RIN2: variants seen among roughly 807,000 people sequenced by gnomAD.
RIN2 encodes the protein RAB5 interacting protein 2.
In RIN2, 36 loss-of-function variants were observed where a neutral mutation model predicts 78.0. The ratio of observed to expected loss-of-function variants is 0.46; its 90% CI spans 0.35 to 0.61. The LOEUF is 0.61. Ranked by LOEUF, RIN2 falls within the 20% of genes least tolerant of loss-of-function variation. The pLI, the probability that RIN2 is intolerant of heterozygous loss-of-function variation, is 0.00. For synonymous variants in RIN2, 466 were observed against 466.8 expected (o/e 1.00, Z 0.02); for missense variants, 1,087 against 1,159.7 (o/e 0.94, Z 0.91).
chr20:19,878,416 A>G (rs186670792), intron 2 of RIN2, among the ~76,000 whole-genome samples: 1 of 152,268 alleles, frequency 6.6e-6, no homozygotes, highest in Admixed American at 6.5e-5. Flanking sequence ...CCACAGAGCT[A>G]TTGGAGGGAG....
At chr20:19,758,709 C>A (rs984080171) in intron 1 of RIN2, among the ~76,000 whole-genome samples, 12 of 152,236 alleles carry the variant, frequency 7.9e-5, no homozygotes, top group Admixed American at 6.5e-4. Flanking sequence ...GTGCACCGGA[C>A]GGAGTTTGGT....
intron 4 of RIN2, among the ~76,000 whole-genome samples, chr20:19,945,393 G>A (rs6046469): frequency 2.6e-5 from 4 of 152,328 alleles, no homozygotes; most frequent in African/African-American, 9.6e-5. Context: ...GAAAGCCCCT[G>A]AAGCTGTGTG....
chr20:19,986,526 C>A (rs2042628140), intron 9 of RIN2, among the ~76,000 whole-genome samples: 1 of 152,196 alleles, frequency 6.6e-6, no homozygotes, highest in African/African-American at 2.4e-5. Context: ...ATTTCCACAG[C>A]CCCTTTTATA....
intron 2 of RIN2, among the ~76,000 whole-genome samples, chr20:19,879,160 G>T (rs1485167593): frequency 6.6e-6 from 1 of 152,196 alleles, no homozygotes; most frequent in Non-Finnish European, 1.5e-5. Flanking sequence ...GAATGCCATT[G>T]GTCAGCCAAG....
chr20:19,986,176 C>CGTCT (rs2042617230), intron 9 of RIN2, among the ~76,000 whole-genome samples: 1 of 152,056 alleles, frequency 6.6e-6, no homozygotes. Context: ...TATGAAAGAT[C>CGTCT]GTCTGTTCCT....
chr20:19,925,321 A>G (rs1484440604), intron 3 of RIN2, among the ~76,000 whole-genome samples: 1 of 152,220 alleles, frequency 6.6e-6, no homozygotes, highest in African/African-American at 2.4e-5. Flanking sequence ...CATCATATAT[A>G]AACAGGCAAA....
chr20:19,969,770 ACAAAC>A (rs1462470467), intron 7 of RIN2, among the ~76,000 whole-genome samples: 6 of 49,832 alleles, frequency 1.2e-4, no homozygotes, highest in Admixed American at 4.8e-4. Flanking sequence ...CTGGAAAAAA[ACAAAC>A]AAACAAACAA....
Position 19,990,065 on chromosome 20 carries a change from G to A in RIN2, c.1822G>A (p.Glu608Lys). 1 of 1,598,924 alleles carries A rather than the reference G, an allele frequency of 6.3e-7. No individual in the cohort carries two copies. Among genetic ancestry groups the A allele is most frequent in the Non-Finnish European group, 8.5e-7 (1 of 1,172,466 alleles). ...CTTGAAGCCCCTCAAGGGGCACGTG[G>A]AGGCCATGCTGAAGGACTTTCACAT... ...CILKPLKGHVEAMLKDFHMAD... is the reference protein window; with the variant it reads ...CILKPLKGHVKAMLKDFHMAD... The change falls in exon 10 of 13, where the codon GAG (glutamate) becomes AAG (lysine). Residue 608 changes from glutamate (E) to lysine (K), a missense_variant. Transcript: ENST00000255006.
chr20:19,826,734 C>G (rs1019605789), intron 2 of RIN2, among the ~76,000 whole-genome samples: 1 of 152,102 alleles, frequency 6.6e-6, no homozygotes, highest in Non-Finnish European at 1.5e-5. Context: ...AGGACAGGCA[C>G]GGAGGGAATC....
intron 2 of RIN2, among the ~76,000 whole-genome samples, chr20:19,818,293 T>C (rs140672929): frequency 1.9e-3 from 296 of 152,358 alleles, no homozygotes; most frequent in African/African-American, 6.9e-3. Flanking sequence ...GAAATGTCAT[T>C]GTACAAGGCA....
chr20:19,935,565 C>T, intron 4 of RIN2: 5 of 1,015,670 alleles, frequency 4.9e-6, no homozygotes, highest in Non-Finnish European at 5.9e-6. Flanking sequence ...AGAAGGCTTA[C>T]AGGGGAGCAG....
intron 3 of RIN2, among the ~76,000 whole-genome samples, chr20:19,901,314 G>A (rs1231315005): frequency 1.2e-4 from 6 of 50,964 alleles, no homozygotes; most frequent in South Asian, 1.4e-3. Flanking sequence ...CCCCACCCCC[G>A]TCCCCACATT....
rs1326943380 is a variant in RIN2 at position 19,855,090 on chromosome 20, AG to A, written c.-36-34473del. Among the ~76,000 whole-genome samples, 7 of 152,306 alleles carry A rather than the reference AG, an allele frequency of 4.6e-5. No homozygotes were observed. The East Asian group carries it at 1.3e-3, about 29-fold the overall frequency. On this transcript the variant is annotated intron_variant, in intron 2 of 12. Coordinates refer to ENST00000255006, the MANE Select transcript of RIN2 (RefSeq NM_018993.4). ...AATTTATTGAGAGTTTTTGGCATGA[AG>A]GGCTGTTGAATTTCGTCAAAGGCCT...
At chr20:19,945,041 C>T (rs1272296046) in intron 4 of RIN2, among the ~76,000 whole-genome samples, 2 of 152,208 alleles carry the variant, frequency 1.3e-5, no homozygotes, top group East Asian at 3.8e-4. Flanking sequence ...CACTTAGAAT[C>T]AGAAGTTCTT....
At chr20:19,865,982 G>A (rs2037494340) in intron 2 of RIN2, among the ~76,000 whole-genome samples, 1 of 152,006 alleles carries the variant, frequency 6.6e-6, no homozygotes, top group African/African-American at 2.4e-5. Context: ...GATGATTCAA[G>A]CACATTACAT....
chr20:19,996,524 A>T (rs1410851718), intron 11 of RIN2, among the ~76,000 whole-genome samples, 155 bp from the exon 12 acceptor site: 3 of 152,294 alleles, frequency 2.0e-5, no homozygotes, highest in African/African-American at 4.8e-5. Flanking sequence ...AGTGAGTGCC[A>T]TGCTCTTGGG....
intron 3 of RIN2, among the ~76,000 whole-genome samples, chr20:19,899,027 G>C (rs544476898): frequency 6.6e-6 from 1 of 152,086 alleles, no homozygotes; most frequent in African/African-American, 2.4e-5. Context: ...GAAAAAACAC[G>C]CCCCACCTTT....
intron 3 of RIN2, among the ~76,000 whole-genome samples, chr20:19,910,253 T>A (rs2039403377): frequency 6.6e-6 from 1 of 150,774 alleles, no homozygotes; most frequent in African/African-American, 2.5e-5. Context: ...CTTGGCTCAC[T>A]GCAACCTCTG....
Position 19,975,240 on chromosome 20 carries a change from G to C in RIN2, c.1215G>C (p.Pro405=), listed in dbSNP as rs1423776554. Residue 405 remains proline, a synonymous_variant, in exon 9 of 13, where the codon CCG becomes CCC. Transcript: ENST00000255006. This position sits in a 1 kb window ranked among gnomAD's most constrained non-coding sequence, Gnocchi z 4.9. ...SPGGAPPEAA[P]GDCTRAPPPS... Reference sequence around the variant, plus strand: ...GTGGGGCCCCGCCTGAGGCCGCCCCGGGGGATTGCACAAGGGCCCCGCCGC... The same window carrying C: ...GTGGGGCCCCGCCTGAGGCCGCCCCCGGGGATTGCACAAGGGCCCCGCCGC... 1.3e-6 allele frequency: 2 copies of C among 1,583,214 alleles called. No individual in the cohort carries two copies. The highest frequency in any genetic ancestry group is 1.7e-4 in the Middle Eastern group (1 of 6,000).
Sources: gnomAD v4.1 joint callset for allele counts (sites outside exome capture counted in the v4.1 genomes callset) on GRCh38, gnomAD v4.1.1 for gene constraint, Gnocchi (gnomAD v3.1) non-coding constraint, MANE v1.5 for transcripts, NCBI Gene and HGNC (gene_info 2026-07-23, HGNC 2026-07-21) for gene names.